PXN: variants seen among roughly 807,000 people sequenced by gnomAD.
PXN encodes paxillin.
In PXN, 61 loss-of-function variants were observed where a neutral mutation model predicts 103.6. The ratio of observed to expected loss-of-function variants is 0.59; its 90% CI spans 0.48 to 0.73. PXN has a LOEUF of 0.73. PXN is among the 30% of genes least tolerant of loss of function. The probability of loss-of-function intolerance (pLI) is 0.00; values close to 1 mark genes in which losing one functional copy is unlikely to be tolerated. For missense variants in PXN, 1,274 were observed against 1,460.3 expected (o/e 0.87, Z 2.08); for synonymous variants, 562 against 607.8 (o/e 0.92, Z 1.11).
At chr12:120,251,558 C>CAA (rs1158946072) in intron 1 of PXN, among the ~76,000 whole-genome samples, 1 of 152,070 alleles carries the variant, frequency 6.6e-6, no homozygotes. Flanking sequence ...TGGCTCACTC[C>CAA]TGTAATCCCA....
At position 120,220,050 on chromosome 12, in the gene PXN, G is replaced by T. The variant is rs56758243; in HGVS notation, c.873C>A (p.Ser291=). The change falls in exon 7 of 15, where the codon TCC becomes TCA. Residue 291 remains serine, a synonymous_variant. Transcript: ENST00000637617. This position sits in a 1 kb window ranked among gnomAD's most constrained non-coding sequence, Gnocchi z 6.1. ...AGCAGTATGAGGACGGAGCAGAGCT[G>T]GACAGCCCCGGGGCACTCAGAGCCA... ...STVALSAPGL[S]SSAPSSYCSL... The T allele has an allele frequency of 6.9e-6, 10 of 1,454,628 alleles. No homozygotes were observed. In the African/African-American group the frequency reaches 1.4e-4, roughly 20 times the overall value. 90.1% of individuals were successfully genotyped at this position (1,454,628 alleles called of 1,614,324 possible).
chr12:120,254,834 C>A (rs946370474), intron 1 of PXN, among the ~76,000 whole-genome samples: 3 of 152,182 alleles, frequency 2.0e-5, no homozygotes, highest in Non-Finnish European at 4.4e-5. Context: ...CAGGTGTGAG[C>A]CACAATGCCC....
intron 1 of PXN, among the ~76,000 whole-genome samples, chr12:120,263,112 C>G (rs569412574): frequency 6.6e-6 from 1 of 152,134 alleles, no homozygotes; most frequent in Non-Finnish European, 1.5e-5. Flanking sequence ...CCAGGAGGCA[C>G]ACGGCTGAGA....
In PXN at chr12:120,220,654, C is replaced by T. The variant is rs1404985319; in HGVS notation, c.832-563G>A. 6.6e-6 allele frequency among the ~76,000 whole-genome samples: 1 copy of T among 152,170 alleles called. No individual in the cohort carries two copies. The highest frequency in any genetic ancestry group is 2.4e-5 in the African/African-American group (1 of 41,438). On this transcript the variant is annotated intron_variant, in intron 6 of 14. Transcript: ENST00000637617. This position sits in a 1 kb window ranked among gnomAD's most constrained non-coding sequence, Gnocchi z 6.1. ...GGGGCACAGCTCCCTCAGGCCAGGC[C>T]CTGAATCCAACTTACTTGCTTCTGA...
Position 120,212,749 on chromosome 12 carries a change from T to A in PXN, c.2980-169A>T. ...CGCTCATTTTTCATTTTTATTTTAT[T>A]AAATAAATTTTTTTTGTAGAGATGG... On this transcript the variant is annotated intron_variant, in intron 14 of 14. Transcript: ENST00000637617. This position sits in a 1 kb window ranked among gnomAD's most constrained non-coding sequence, Gnocchi z 7.2. The A allele has an allele frequency of 2.8e-6, 2 of 723,652 alleles. No homozygotes were observed. The highest frequency in any genetic ancestry group is 4.1e-6 in the Non-Finnish European group (2 of 482,258). 44.8% of individuals were successfully genotyped at this position (723,652 alleles called of 1,614,324 possible).
In PXN at chr12:120,224,349, G is replaced by A. The variant is rs1324143979; in HGVS notation, c.42C>T (p.Thr14=). The A allele has an allele frequency of 6.2e-7, 1 of 1,613,940 alleles. No homozygotes were observed. The highest frequency in any genetic ancestry group is 8.5e-7 in the Non-Finnish European group (1 of 1,179,880). Residue 14 remains threonine, a synonymous_variant, in exon 2 of 15, where the codon ACC becomes ACT. Coordinates refer to ENST00000637617, the MANE Select transcript of PXN (RefSeq NM_001385981.1). The surrounding 1 kb of genome is among the most constrained non-coding windows in gnomAD (Gnocchi z 5.0). ...LDALLADLES[T]TSHISKRPVF... is the part of the protein sequence containing the mutation. ...CAGGCCGTTTGGAGATGTGGGAGGTGGTAGACTCCAAGTCCGCCAGCAGGG... is the reference window on the plus strand; with the variant it reads ...CAGGCCGTTTGGAGATGTGGGAGGTAGTAGACTCCAAGTCCGCCAGCAGGG...
At chr12:120,263,683 G>T (rs1189398676) in intron 1 of PXN, among the ~76,000 whole-genome samples, 1 of 152,150 alleles carries the variant, frequency 6.6e-6, no homozygotes, top group Non-Finnish European at 1.5e-5. Context: ...TTGTTGTGAG[G>T]ATATCACAAA....
In PXN at chr12:120,214,012, G is replaced by A. The variant is rs1881482475; in HGVS notation, c.2831-22C>T. The stretch of plus-strand genomic sequence containing the variant: ...AACCCTGGGGAGCGGGGGTTTTGGA[G>A]GCACAGTTCATTCCGGCTTCCAGAA... On this transcript the variant is annotated intron_variant, in intron 13 of 14. Transcript: ENST00000637617. The surrounding 1 kb of genome is among the most constrained non-coding windows in gnomAD (Gnocchi z 5.0). 2.5e-6 allele frequency: 4 copies of A among 1,609,204 alleles called. No individual in the cohort carries two copies. The highest frequency in any genetic ancestry group is 3.4e-6 in the Non-Finnish European group (4 of 1,178,354).
rs79483820 is a variant in PXN, at chr12:120,212,618, C to T, written c.2980-38G>A. ...GAGAGGGGCTCAGGGAGCTGCCCCT[C>T]GGGCTAGAGCTGCACCCTGTGTGAT... On this transcript the variant is annotated intron_variant, in intron 14 of 14. Transcript: ENST00000637617. The surrounding 1 kb of genome is among the most constrained non-coding windows in gnomAD (Gnocchi z 7.2). The T allele has an allele frequency of 6.7e-3, 10,650 of 1,591,304 alleles. 314 individuals are homozygous for T. The East Asian group carries it at 0.093, about 14-fold the overall frequency.
chr12:120,217,398 C>CT lies in PXN; in HGVS notation c.1717-283dup, dbSNP rs1883515290. On this transcript the variant is annotated intron_variant, in intron 7 of 14. Transcript: ENST00000637617. The surrounding 1 kb of genome is among the most constrained non-coding windows in gnomAD (Gnocchi z 4.1). ...TTGGCCACTGACCTTGGGCAAGACACTTAATTGCCATGGGCCTCAGCTTCC... is the reference window on the plus strand; with the variant it reads ...TTGGCCACTGACCTTGGGCAAGACACTTTAATTGCCATGGGCCTCAGCTTCC... Among the ~76,000 whole-genome samples, 1 of 152,200 alleles carries CT rather than the reference C, an allele frequency of 6.6e-6. No homozygotes were observed. Among genetic ancestry groups the CT allele is most frequent in the African/African-American group, 2.4e-5 (1 of 41,442 alleles).
chr12:120,235,248 T>C (rs1888808028), intron 1 of PXN, among the ~76,000 whole-genome samples: 1 of 152,150 alleles, frequency 6.6e-6, no homozygotes. Context: ...GAGCAGCCTC[T>C]GCTCCTGCCA....
chr12:120,237,126 C>T (rs911262421), intron 1 of PXN, among the ~76,000 whole-genome samples: 5 of 142,424 alleles, frequency 3.5e-5, no homozygotes, highest in South Asian at 4.5e-4. Flanking sequence ...TATGTATGTA[C>T]GTGTGTGTGT....
chr12:120,250,231 T>A (rs1449439125), intron 1 of PXN: 9 of 975,410 alleles, frequency 9.2e-6, no homozygotes, highest in African/African-American at 1.8e-5. Context: ...AAGAGGAATG[T>A]TCCTGGAAAC....
At chr12:120,232,478 C>A (rs1888245580) in intron 1 of PXN, among the ~76,000 whole-genome samples, 1 of 152,202 alleles carries the variant, frequency 6.6e-6, no homozygotes, top group Non-Finnish European at 1.5e-5. Flanking sequence ...CTTTTCAGGT[C>A]AAGTCCAGGG....
At chr12:120,243,813 C>T (rs1477932327) in intron 1 of PXN, among the ~76,000 whole-genome samples, 3 of 152,216 alleles carry the variant, frequency 2.0e-5, no homozygotes, top group African/African-American at 7.2e-5. Context: ...GCACTGTGCA[C>T]TTCTCCTATG....
Position 120,214,773 on chromosome 12 carries a change from C to T in PXN, c.2748+52G>A, listed in dbSNP as rs1047393332. On this transcript the variant is annotated intron_variant, in intron 12 of 14. Transcript: ENST00000637617. The surrounding 1 kb of genome is among the most constrained non-coding windows in gnomAD (Gnocchi z 5.0). ...CACCCCCTGCATCCTCAGAGGGCTG[C>T]GGTGAAGCTGGAATGAGCGGAAGCG... 5.1e-5 allele frequency: 82 copies of T among 1,601,296 alleles called. No individual in the cohort carries two copies. Among genetic ancestry groups the T allele is most frequent in the Middle Eastern group, 1.7e-4 (1 of 5,740 alleles).
chr12:120,221,439 G>C lies in PXN; in HGVS notation c.831+184C>G, dbSNP rs771502493. 2.6e-4 allele frequency among the ~76,000 whole-genome samples: 40 copies of C among 152,258 alleles called. No homozygotes were observed. Among genetic ancestry groups the C allele is most frequent in the African/African-American group, 9.4e-4 (39 of 41,536 alleles). ...GGCTACTGCAATCCTCAGGCAGGCT[G>C]ACCCGGCCCTCCCTCCCCATCTCCT... On this transcript the variant is annotated intron_variant, in intron 6 of 14. Transcript: ENST00000637617. This position sits in a 1 kb window ranked among gnomAD's most constrained non-coding sequence, Gnocchi z 6.6.
At chr12:120,233,274 T>C (rs996430987) in intron 1 of PXN, among the ~76,000 whole-genome samples, 2 of 152,180 alleles carry the variant, frequency 1.3e-5, no homozygotes, top group Non-Finnish European at 2.9e-5. Context: ...AACATCCTCC[T>C]GCTCCTGAAT....
chr12:120,242,070 G>A (rs1422624031), intron 1 of PXN, among the ~76,000 whole-genome samples: 1 of 152,124 alleles, frequency 6.6e-6, no homozygotes, highest in African/African-American at 2.4e-5. Context: ...CAGGGGTCAG[G>A]TAATGACGGT....
Sources: allele counts gnomAD v4.1 joint callset (sites outside exome capture counted in the v4.1 genomes callset), GRCh38; gene constraint gnomAD v4.1.1; non-coding constraint Gnocchi (gnomAD v3.1); transcripts MANE v1.5; gene names NCBI Gene and HGNC (gene_info 2026-07-23, HGNC 2026-07-21).